The following LMAN1 variants were observed in gnomAD, a reference collection of about 807,000 sequenced individuals.
LMAN1 encodes the protein protein ERGIC-53.
Under a neutral mutation model 67.8 loss-of-function variants are expected in LMAN1, and 32 were observed. That is an observed-to-expected ratio of 0.47 (90% CI 0.36 to 0.63). LMAN1 has a LOEUF of 0.63. Among genes scored for constraint, LMAN1 ranks in the 30% least tolerant of loss-of-function variants. LMAN1 has a pLI of 0.00. For missense variants in LMAN1, 632 were observed against 628.2 expected, an observed-to-expected ratio of 1.01 and a Z score of -0.06; for synonymous variants, 235 against 219.3, an observed-to-expected ratio of 1.07 and a Z score of -0.63.
At chr18:59,352,812 C>G (rs1020571847) in intron 5 of LMAN1, 3 of 303,568 alleles carry the variant, frequency 9.9e-6, no homozygotes, top group Non-Finnish European at 1.9e-5. Context: ...AGGAATGATA[C>G]ATTTGTGTGT....
At chr18:59,357,497 G>A (rs946528234) in intron 1 of LMAN1, among the ~76,000 whole-genome samples, 2 of 152,126 alleles carry the variant, frequency 1.3e-5, no homozygotes, top group Non-Finnish European at 1.5e-5. Context: ...CCAAAAACTT[G>A]TGTTTGATAT....
intron 1 of LMAN1, among the ~76,000 whole-genome samples, chr18:59,356,850 G>A (rs946759484): frequency 6.6e-6 from 1 of 152,130 alleles, no homozygotes; most frequent in South Asian, 2.1e-4. Flanking sequence ...TCAAATCAGA[G>A]AATGAAAGTG....
chr18:59,339,999 A>C (rs1302547782), intron 8 of LMAN1, among the ~76,000 whole-genome samples: 1 of 152,154 alleles, frequency 6.6e-6, no homozygotes, highest in Non-Finnish European at 1.5e-5. Context: ...TATCTAGGAC[A>C]ATACCCACTG....
intron 5 of LMAN1, 147 bp downstream of exon 5, chr18:59,353,055 G>A (rs1341818685): frequency 1.4e-6 from 1 of 709,794 alleles, no homozygotes; most frequent in Non-Finnish European, 2.5e-6. Flanking sequence ...ACTGAGCTGT[G>A]AAGCCACCTC....
chr18:59,340,999 C>A (rs1908274557), intron 8 of LMAN1, among the ~76,000 whole-genome samples: 1 of 151,908 alleles, frequency 6.6e-6, no homozygotes, highest in South Asian at 2.1e-4. Flanking sequence ...TAAAGACACA[C>A]ATAGACTGAA....
chr18:59,347,240 G>C (rs1473421616), intron 7 of LMAN1, among the ~76,000 whole-genome samples: 1 of 146,284 alleles, frequency 6.8e-6, no homozygotes, highest in African/African-American at 2.5e-5. Context: ...CTACAGGTGT[G>C]AACCCGGGAG....
intron 10 of LMAN1, among the ~76,000 whole-genome samples, chr18:59,334,971 T>A (rs1908108951): frequency 6.6e-6 from 1 of 152,174 alleles, no homozygotes; most frequent in Non-Finnish European, 1.5e-5. Flanking sequence ...TTGCAAGGAT[T>A]GTTAACTCCT....
At chr18:59,332,963 GA>G in intron 11 of LMAN1, 127 bp downstream of exon 11, 1 of 763,596 alleles carries the variant, frequency 1.3e-6, no homozygotes, top group Non-Finnish European at 2.1e-6. Context: ...CAATAAATGG[GA>G]CAATTCTACC....
At chr18:59,349,452 A>G (rs1908494320) in intron 5 of LMAN1, among the ~76,000 whole-genome samples, 1 of 152,216 alleles carries the variant, frequency 6.6e-6, no homozygotes, top group South Asian at 2.1e-4. Flanking sequence ...GAAAAATCTG[A>G]TAACTTTCTA....
chr18:59,347,587 A>C lies in LMAN1; in HGVS notation c.764-16T>G. The C allele has an allele frequency of 6.3e-7, 1 of 1,579,630 alleles. No homozygotes were observed. Among genetic ancestry groups the C allele is most frequent in the Non-Finnish European group, 8.6e-7 (1 of 1,156,208 alleles). ...TCATGGTCATCTACAAATTAAAAAA[A>C]AAAAAGTCTGAAAAAGTTCCATAGG... On this transcript the variant is annotated splice_polypyrimidine_tract_variant and intron_variant, in intron 6 of 12. Coordinates refer to ENST00000251047, the MANE Select transcript of LMAN1 (RefSeq NM_005570.4).
intron 11 of LMAN1, among the ~76,000 whole-genome samples, chr18:59,332,669 A>G (rs1292242161): frequency 6.6e-6 from 1 of 152,206 alleles, no homozygotes; most frequent in Non-Finnish European, 1.5e-5. Flanking sequence ...GACAACCAGC[A>G]GAGTCAAAAA....
chr18:59,358,592 T>G (rs1453872902), intron 1 of LMAN1, among the ~76,000 whole-genome samples: 71 of 129,808 alleles, frequency 5.5e-4, no homozygotes, highest in African/African-American at 8.9e-4. Flanking sequence ...GGGTGGGGGG[T>G]GGAAGCGGGA....
In LMAN1 at chr18:59,358,986, G is replaced by A. The variant is rs776428806; in HGVS notation, c.214+45C>T. 10 of 1,581,374 alleles carry A rather than the reference G, an allele frequency of 6.3e-6. No homozygotes were observed. In the African/African-American group the frequency reaches 1.1e-4, roughly 17 times the overall value. ...GCGGATGAAAGGCGAAGAGGCAGCA[G>A]AAGGGGGAGAGGAACCCGGCCCCCA... On this transcript the variant is annotated intron_variant, in intron 1 of 12. Coordinates refer to ENST00000251047, the MANE Select transcript of LMAN1 (RefSeq NM_005570.4).
chr18:59,357,897 C>G (rs1908695442), intron 1 of LMAN1, among the ~76,000 whole-genome samples: 1 of 149,152 alleles, frequency 6.7e-6, no homozygotes, highest in African/African-American at 2.5e-5. Flanking sequence ...TGCAGCACAC[C>G]AACATGGCAA....
intron 4 of LMAN1, among the ~76,000 whole-genome samples, 185 bp from the exon 5 acceptor site, chr18:59,353,486 A>G (rs1163981749): frequency 6.6e-6 from 1 of 152,190 alleles, no homozygotes; most frequent in East Asian, 1.9e-4. Context: ...CAGAACATGA[A>G]TCACTCTCTG....
In LMAN1 at chr18:59,330,483, T is replaced by C. The variant is rs372134325; in HGVS notation, c.*610A>G. Reference sequence around the variant, plus strand: ...AGCAGCTATTAATTTTCCTCTAAAATTTCCTTTAAAAGTGAAATATATCAT... The same window carrying C: ...AGCAGCTATTAATTTTCCTCTAAAACTTCCTTTAAAAGTGAAATATATCAT... On this transcript the variant is annotated 3_prime_UTR_variant, in exon 13 of 13. Coordinates refer to ENST00000251047, the MANE Select transcript of LMAN1 (RefSeq NM_005570.4). The C allele has an allele frequency of 8.5e-5, 13 of 152,464 alleles. No homozygotes were observed. Among genetic ancestry groups the C allele is most frequent in the African/African-American group, 2.9e-4 (12 of 41,410 alleles). The allele number at this position is 152,464 out of a possible 1,614,324, so 9.4% of individuals were successfully genotyped here.
In LMAN1 at chr18:59,354,566, A is replaced by G. The variant is rs778898627; in HGVS notation, c.492T>C (p.Ala164=). 1.4e-5 allele frequency: 21 copies of G among 1,476,462 alleles called. No individual in the cohort carries two copies. Among genetic ancestry groups the G allele is most frequent in the Non-Finnish European group, 1.9e-5 (20 of 1,057,394 alleles). 91.5% of individuals were successfully genotyped at this position (1,476,462 alleles called of 1,614,324 possible). The change falls in exon 4 of 13, where the codon GCT becomes GCC. Residue 164 remains alanine, a synonymous_variant. Coordinates refer to ENST00000251047, the MANE Select transcript of LMAN1 (RefSeq NM_005570.4). ...FDNDGKKNNP[A]IVIIGNNGQI... ...GTCCATTGTTGCCTATAATTACTAT[A>G]GCAGGATTATTTTTCTAAAAAAAAG...
intron 5 of LMAN1, among the ~76,000 whole-genome samples, chr18:59,350,422 T>C (rs1231128157): frequency 6.6e-6 from 1 of 152,208 alleles, no homozygotes; most frequent in Non-Finnish European, 1.5e-5. Context: ...AATTGTTCAG[T>C]ATTTTTTTCC....
In LMAN1 at chr18:59,338,630, G is replaced by A; in HGVS notation, c.1150-3C>T. 6.2e-7 allele frequency: 1 copy of A among 1,613,160 alleles called. No individual in the cohort carries two copies. Among genetic ancestry groups the A allele is most frequent in the Non-Finnish European group, 8.5e-7 (1 of 1,179,218 alleles). On this transcript the variant is annotated splice_polypyrimidine_tract_variant and splice_region_variant and intron_variant, in intron 9 of 12. Transcript: ENST00000251047. Reference sequence around the variant, plus strand: ...GTATCCAGTTCTTGTTGAGTAATCTGGAGGAAGAAACAATGACGAGCAAGC... The same window carrying A: ...GTATCCAGTTCTTGTTGAGTAATCTAGAGGAAGAAACAATGACGAGCAAGC...
Sources: gnomAD v4.1 joint callset for allele counts (sites outside exome capture counted in the v4.1 genomes callset) on GRCh38, gnomAD v4.1.1 for gene constraint, MANE v1.5 for transcripts, NCBI Gene and HGNC (gene_info 2026-07-23, HGNC 2026-07-21) for gene names.